Variants in SGCD observed in about 807,000 individuals in gnomAD.
SGCD encodes delta-sarcoglycan.
In SGCD, 18 loss-of-function variants were observed where a neutral mutation model predicts 36.6. That is an observed-to-expected ratio of 0.49 (90% CI 0.34 to 0.73). The LOEUF (loss-of-function observed/expected upper bound fraction) is 0.73, where lower values mean the gene tolerates loss of function less well. Ranked by LOEUF, SGCD falls within the 30% of genes least tolerant of loss-of-function variation. SGCD has a pLI of 0.01. For synonymous variants in SGCD, 133 were observed against 130.6 expected, an observed-to-expected ratio of 1.02 and a Z score of -0.12; for missense variants, 387 against 346.7, an observed-to-expected ratio of 1.12 and a Z score of -0.92.
chr5:156,594,359 A>C (rs1408800476), intron 5 of SGCD, among the ~76,000 whole-genome samples: 1 of 152,164 alleles, frequency 6.6e-6, no homozygotes, highest in Non-Finnish European at 1.5e-5. Context: ...AAATCCTAAT[A>C]TAAAAGATTG....
chr5:155,810,374 A>G, the SGCD span, among the ~76,000 whole-genome samples: 4 of 152,214 alleles, frequency 2.6e-5, no homozygotes, highest in East Asian at 3.8e-4. Flanking sequence ...CTTTTAAAAT[A>G]AAACAAAAGC....
chr5:156,471,880 G>A (rs1029417863), intron 3 of SGCD, among the ~76,000 whole-genome samples: 2 of 149,238 alleles, frequency 1.3e-5, no homozygotes, highest in East Asian at 1.9e-4. Flanking sequence ...CATACACAAC[G>A]AATTTATATC....
intron 7 of SGCD, among the ~76,000 whole-genome samples, chr5:156,739,236 A>G (rs578156916): frequency 2.0e-5 from 3 of 152,228 alleles, no homozygotes; most frequent in Non-Finnish European, 4.4e-5. Context: ...GAAAGAAAGG[A>G]AAGTGTGCTC....
chr5:156,024,074 G>A (rs1037532830), intron 1 of SGCD, among the ~76,000 whole-genome samples: 1 of 152,134 alleles, frequency 6.6e-6, no homozygotes, highest in African/African-American at 2.4e-5. Flanking sequence ...CTCTGGCCAA[G>A]GCTGCAGATT....
intron 3 of SGCD, among the ~76,000 whole-genome samples, chr5:156,496,631 G>C (rs553813224): frequency 6.6e-6 from 1 of 152,160 alleles, no homozygotes; most frequent in East Asian, 1.9e-4. Flanking sequence ...CCTGCTGGAA[G>C]ATTGCTGTGT....
intron 6 of SGCD, among the ~76,000 whole-genome samples, chr5:156,616,985 T>C (rs1462420816): frequency 6.6e-6 from 1 of 152,208 alleles, no homozygotes; most frequent in Non-Finnish European, 1.5e-5. Context: ...AAAAAAAAGT[T>C]TGCCAGTTCC....
chr5:156,609,349 C>T (rs1274996502), intron 6 of SGCD, among the ~76,000 whole-genome samples: 2 of 152,100 alleles, frequency 1.3e-5, no homozygotes, highest in Non-Finnish European at 2.9e-5. Flanking sequence ...AAATTCTTTA[C>T]TTTAAGAATG....
chr5:155,812,379 C>T, the SGCD span, among the ~76,000 whole-genome samples: 79 of 152,306 alleles, frequency 5.2e-4, no homozygotes, highest in Middle Eastern at 0.02. Context: ...GCACATCACG[C>T]GCTGTTGGCT....
chr5:156,305,702 G>A (rs1262781825), intron 3 of SGCD, among the ~76,000 whole-genome samples: 1 of 152,200 alleles, frequency 6.6e-6, no homozygotes, highest in African/African-American at 2.4e-5. Context: ...AAAGCACATG[G>A]AAAAGATGCA....
At chr5:155,849,437 T>TGC in the SGCD span, among the ~76,000 whole-genome samples, 332 of 142,020 alleles carry the variant, frequency 2.3e-3, 3 homozygotes, top group African/African-American at 7.9e-3. Context: ...CACACACACA[T>TGC]GTGCGCGCGC....
At chr5:156,423,348 TA>T (rs370991270) in intron 3 of SGCD, among the ~76,000 whole-genome samples, 245 of 17,240 alleles carry the variant, frequency 0.014, 4 homozygotes, top group African/African-American at 0.037. Flanking sequence ...TAATATATTA[TA>T]ATTTTATTAT....
intron 3 of SGCD, among the ~76,000 whole-genome samples, chr5:156,423,402 T>C (rs1773505768): frequency 2.3e-5 from 2 of 86,232 alleles, no homozygotes; most frequent in Admixed American, 2.8e-4. Context: ...TATATTTTAT[T>C]ATAATATAAT....
intron 1 of SGCD, among the ~76,000 whole-genome samples, chr5:155,968,346 T>C (rs1294417617): frequency 6.6e-6 from 1 of 152,112 alleles, no homozygotes; most frequent in East Asian, 1.9e-4. Flanking sequence ...ATCGTTTTAG[T>C]CATTTTTATT....
chr5:156,265,693 T>C (rs571178473), intron 3 of SGCD, among the ~76,000 whole-genome samples: 123 of 151,806 alleles, frequency 8.1e-4, no homozygotes, highest in African/African-American at 2.9e-3. Context: ...GTGTTATATA[T>C]TCTCAAAGAG....
intron 7 of SGCD, among the ~76,000 whole-genome samples, chr5:156,695,781 C>T (rs1754298810): frequency 6.6e-6 from 1 of 152,200 alleles, no homozygotes; most frequent in Non-Finnish European, 1.5e-5. Flanking sequence ...TGCTCCAAAG[C>T]AGTCATAGAC....
Position 156,496,088 on chromosome 5 carries a change from C to T in SGCD, c.193-12513C>T, listed in dbSNP as rs975595670. 3.9e-5 allele frequency among the ~76,000 whole-genome samples: 6 copies of T among 152,250 alleles called. No individual in the cohort carries two copies. In the South Asian group the frequency reaches 8.3e-4, roughly 21 times the overall value. On this transcript the variant is annotated intron_variant, in intron 3 of 8. Transcript: ENST00000337851. ...ATGAGTTGTGGGCATCACTTCCTGA[C>T]AAAAACCTACATGAGTTGTTGTCCA...
At chr5:156,047,327 TTC>T (rs1759792852) in intron 1 of SGCD, among the ~76,000 whole-genome samples, 1 of 152,120 alleles carries the variant, frequency 6.6e-6, no homozygotes, top group African/African-American at 2.4e-5. Flanking sequence ...CAACAACAGA[TTC>T]TCAATGTAAA....
chr5:156,226,510 T>G (rs1013342420), intron 3 of SGCD, among the ~76,000 whole-genome samples: 4 of 152,192 alleles, frequency 2.6e-5, no homozygotes, highest in African/African-American at 7.2e-5. Flanking sequence ...CAATTGTGAA[T>G]TGTGCTGCTA....
intron 3 of SGCD, among the ~76,000 whole-genome samples, chr5:156,499,039 CT>C (rs34567151): frequency 0.24 from 36,556 of 151,794 alleles, 4,603 homozygotes; most frequent in East Asian, 0.4. Context: ...GCCTTTTCGT[CT>C]TAGTGTTTAG....
Sources: gnomAD v4.1 joint callset for allele counts (sites outside exome capture counted in the v4.1 genomes callset) on GRCh38, gnomAD v4.1.1 for gene constraint, MANE v1.5 for transcripts, NCBI Gene and HGNC (gene_info 2026-07-23, HGNC 2026-07-21) for gene names.